The following SPMAP2L variants were observed in gnomAD, a reference collection of about 807,000 sequenced individuals.
The protein encoded by SPMAP2L is sperm microtubule associated protein 2 like, also known as sperm microtubule associated protein 2-like.
At chr4:56,560,560 G>A in the SPMAP2L span, among the ~76,000 whole-genome samples, 38 of 152,240 alleles carry the variant, frequency 2.5e-4, 1 homozygote, top group South Asian at 6.6e-3. Flanking sequence ...CCTGTGGGAA[G>A]GTGCTACAGG....
the SPMAP2L span, chr4:56,530,896 G>T: frequency 6.5e-7 from 1 of 1,535,156 alleles, no homozygotes; most frequent in Non-Finnish European, 8.7e-7. Context: ...AGACGAGTCC[G>T]AGGAATGTGA....
chr4:56,559,461 C>T, the SPMAP2L span: 1 of 1,532,622 alleles, frequency 6.5e-7, no homozygotes, highest in South Asian at 1.2e-5. Flanking sequence ...CTCAGCTGAC[C>T]AAAAGACTTG....
the SPMAP2L span, among the ~76,000 whole-genome samples, chr4:56,565,108 T>C: frequency 2.6e-5 from 4 of 152,356 alleles, no homozygotes; most frequent in African/African-American, 9.6e-5. Context: ...AAATGTTCGG[T>C]GTGCACTTGC....
At chr4:56,614,576 C>T in the SPMAP2L span, among the ~76,000 whole-genome samples, 1 of 152,170 alleles carries the variant, frequency 6.6e-6, no homozygotes, top group Non-Finnish European at 1.5e-5. Flanking sequence ...ACAGCTTGAA[C>T]CCAGGAGGCA....
At chr4:56,581,626 A>G in the SPMAP2L span, among the ~76,000 whole-genome samples, 1 of 152,126 alleles carries the variant, frequency 6.6e-6, no homozygotes, top group Non-Finnish European at 1.5e-5. Flanking sequence ...TCTAAAAAAA[A>G]AAAAAGAATA....
chr4:56,595,306 A>G, the SPMAP2L span: 10 of 1,612,484 alleles, frequency 6.2e-6, no homozygotes, highest in Non-Finnish European at 8.5e-6. Flanking sequence ...TGTGGCCAAG[A>G]GACTCCAGGA....
the SPMAP2L span, among the ~76,000 whole-genome samples, chr4:56,620,466 A>G: frequency 1.3e-5 from 2 of 150,154 alleles, no homozygotes; most frequent in African/African-American, 2.5e-5. Context: ...AGCTCACCGC[A>G]ACCTCCGCCT....
the SPMAP2L span, among the ~76,000 whole-genome samples, chr4:56,533,687 T>A: frequency 6.6e-6 from 1 of 151,272 alleles, no homozygotes; most frequent in Admixed American, 6.6e-5. Context: ...GTGCCTCAAA[T>A]CTGTAATCCC....
At chr4:56,538,727 C>T in the SPMAP2L span, among the ~76,000 whole-genome samples, 2 of 152,222 alleles carry the variant, frequency 1.3e-5, no homozygotes, top group South Asian at 2.1e-4. Context: ...CACTTGAATC[C>T]GGGAGGTGGA....
chr4:56,553,217 G>A, the SPMAP2L span, among the ~76,000 whole-genome samples: 1 of 82,900 alleles, frequency 1.2e-5, no homozygotes. Flanking sequence ...TTGAGGCAGG[G>A]TTTCACTCTG....
At chr4:56,620,445 A>G in the SPMAP2L span, among the ~76,000 whole-genome samples, 5 of 150,886 alleles carry the variant, frequency 3.3e-5, no homozygotes, top group Non-Finnish European at 7.4e-5. Flanking sequence ...GAAGTGCAAC[A>G]GCGCGATCTC....
the SPMAP2L span, among the ~76,000 whole-genome samples, chr4:56,625,098 C>A: frequency 1.6e-3 from 246 of 152,256 alleles, no homozygotes; most frequent in African/African-American, 5.7e-3. Context: ...TGTGGGTGAC[C>A]TGGATGTGAG....
At chr4:56,625,571 G>A in the SPMAP2L span, among the ~76,000 whole-genome samples, 10 of 152,106 alleles carry the variant, frequency 6.6e-5, no homozygotes, top group East Asian at 1.9e-4. Context: ...AGTCTTTCCC[G>A]TGCTATTCTC....
the SPMAP2L span, among the ~76,000 whole-genome samples, chr4:56,537,524 T>C: frequency 1.3e-5 from 2 of 152,174 alleles, no homozygotes; most frequent in South Asian, 2.1e-4. Flanking sequence ...TTGAAGTTAC[T>C]CAAGCTAAAG....
At chr4:56,608,081 A>G in the SPMAP2L span, among the ~76,000 whole-genome samples, 1 of 151,944 alleles carries the variant, frequency 6.6e-6, no homozygotes, top group African/African-American at 2.4e-5. Flanking sequence ...AATGAGGAAC[A>G]AGATAGTGGA....
At chr4:56,582,175 C>T in the SPMAP2L span, among the ~76,000 whole-genome samples, 3 of 151,920 alleles carry the variant, frequency 2.0e-5, no homozygotes, top group Non-Finnish European at 4.4e-5. Context: ...CATATCTAAG[C>T]TCATGTGACA....
At chr4:56,601,415 T>C in the SPMAP2L span, among the ~76,000 whole-genome samples, 1 of 152,112 alleles carries the variant, frequency 6.6e-6, no homozygotes, top group East Asian at 1.9e-4. Context: ...GGCTAGGAGT[T>C]GGAGACCACC....
At chr4:56,559,980 C>T in the SPMAP2L span, among the ~76,000 whole-genome samples, 145,201 of 152,274 alleles carry the variant, frequency 0.95, 69,314 homozygotes, top group Middle Eastern at 0.97. Context: ...CTGTTTCCAA[C>T]CTGATGCTAC....
the SPMAP2L span, among the ~76,000 whole-genome samples, chr4:56,588,509 G>C: frequency 2.0e-5 from 3 of 151,046 alleles, no homozygotes; most frequent in South Asian, 6.3e-4. Flanking sequence ...TTGGCTCACT[G>C]CAACCTCTGC....
Sources: gnomAD v4.1 joint callset for allele counts (sites outside exome capture counted in the v4.1 genomes callset) on GRCh38, gnomAD v4.1.1 for gene constraint, MANE v1.5 for transcripts, NCBI Gene and HGNC (gene_info 2026-07-23, HGNC 2026-07-21) for gene names.